Variants in HEATR5B observed in about 807,000 individuals in gnomAD.
The protein encoded by HEATR5B is HEAT repeat-containing protein 5B.
In HEATR5B, 156 loss-of-function variants were observed where a neutral mutation model predicts 224.1. The ratio of observed to expected loss-of-function variants is 0.70; its 90% confidence interval spans 0.61 to 0.80. The LOEUF (loss-of-function observed/expected upper bound fraction) is 0.80, where lower values mean the gene tolerates loss of function less well. HEATR5B is among the 30% of genes least tolerant of loss of function. HEATR5B has a pLI of 0.00. For synonymous variants in HEATR5B, 1,027 were observed against 893.0 expected, an observed-to-expected ratio of 1.15 and a Z score of -2.68; for missense variants, 2,323 against 2,535.5, an observed-to-expected ratio of 0.92 and a Z score of 1.80.
chr2:37,018,161 T>A (rs1277396385), intron 26 of HEATR5B, among the ~76,000 whole-genome samples: 1 of 151,858 alleles, frequency 6.6e-6, no homozygotes, highest in Non-Finnish European at 1.5e-5. Context: ...GGTCACAAAT[T>A]TAAGCCTGCC....
intron 18 of HEATR5B, among the ~76,000 whole-genome samples, chr2:37,049,356 C>A (rs1012599050): frequency 2.0e-5 from 3 of 152,180 alleles, no homozygotes; most frequent in African/African-American, 7.2e-5. Flanking sequence ...CAGAGCACCT[C>A]TTCAGTGAAT....
intron 33 of HEATR5B, among the ~76,000 whole-genome samples, chr2:37,000,046 A>C (rs938116475): frequency 6.6e-6 from 1 of 151,518 alleles, no homozygotes; most frequent in Non-Finnish European, 1.5e-5. Context: ...AACCCCAAAA[A>C]ACAAAAAACC....
Position 37,079,180 on chromosome 2 carries a change from T to C in HEATR5B, c.278A>G (p.Asp93Gly), listed in dbSNP as rs749927977. 1.8e-5 allele frequency: 29 copies of C among 1,611,374 alleles called. No individual in the cohort carries two copies. The African/African-American group carries it at 3.3e-4, about 19-fold the overall frequency. ...ATTTCTGATAATGTCATTGCATTTA[T>C]CAAGTGTCTGAAAAACTGTGAAAGT... ...GDTFTVFQTLDKCNDIIRNKD... is the reference protein window; with the variant it reads ...GDTFTVFQTLGKCNDIIRNKD... The change falls in exon 3 of 36, where the codon GAT becomes GGT. Residue 93 changes from aspartate to glycine, a missense_variant. Coordinates refer to ENST00000233099, the MANE Select transcript of HEATR5B (RefSeq NM_019024.3).
intron 11 of HEATR5B, among the ~76,000 whole-genome samples, chr2:37,060,976 AATATTTTTAG>A (rs1671247988): frequency 2.0e-5 from 3 of 152,330 alleles, no homozygotes; most frequent in African/African-American, 7.2e-5. Flanking sequence ...TTAAACTGTC[AATATTTTTAG>A]AATCCAAACA....
rs1248166565 is a variant in HEATR5B at position 37,059,462 on chromosome 2, ATAT to A, written c.1850-478_1850-476del. ...TGTGTGTGTGTATATATATATATAT[ATAT>A]TTTTTTTTTTTTTTTTTTGAGAGAG... On this transcript the variant is annotated intron_variant, in intron 12 of 35. Coordinates refer to ENST00000233099, the MANE Select transcript of HEATR5B (RefSeq NM_019024.3). Among the ~76,000 whole-genome samples the A allele has an allele frequency of 2.9e-4, 27 of 93,896 alleles. 2 individuals are homozygous for A. Among genetic ancestry groups the A allele is most frequent in the South Asian group, 1.2e-3 (3 of 2,408 alleles). 61.6% of individuals were successfully genotyped at this position (93,896 alleles called of 152,430 possible).
intron 33 of HEATR5B, among the ~76,000 whole-genome samples, chr2:36,992,927 T>C (rs4670645): frequency 0.19 from 28,085 of 151,784 alleles, 3,243 homozygotes; most frequent in East Asian, 0.53. Flanking sequence ...CGTCTTACCA[T>C]ATTGCCCAGG....
At chr2:36,991,133 T>C (rs1228169388) in intron 33 of HEATR5B, among the ~76,000 whole-genome samples, 1 of 152,234 alleles carries the variant, frequency 6.6e-6, no homozygotes, top group Non-Finnish European at 1.5e-5. Flanking sequence ...TGCTAAATTA[T>C]TATAAAATAT....
chr2:37,032,833 A>G, intron 21 of HEATR5B, 60 bp from the exon 22 acceptor site: 1 of 1,420,416 alleles, frequency 7.0e-7, no homozygotes, highest in Non-Finnish European at 9.7e-7. Context: ...CTTTAATCTT[A>G]TTTGCCCAAT....
chr2:37,073,438 T>C (rs1672028987), intron 5 of HEATR5B, among the ~76,000 whole-genome samples: 1 of 152,168 alleles, frequency 6.6e-6, no homozygotes, highest in South Asian at 2.1e-4. Flanking sequence ...GAGATGGGGT[T>C]TCGCTATGTT....
chr2:37,008,238 G>C (rs1203303779), intron 28 of HEATR5B: 1 of 188,822 alleles, frequency 5.3e-6, no homozygotes, highest in Non-Finnish European at 1.1e-5. Flanking sequence ...AGCACTTTAG[G>C]AACATAATTT....
At chr2:37,056,716 G>T in intron 15 of HEATR5B, 101 bp from the exon 16 acceptor site, 1 of 959,428 alleles carries the variant, frequency 1.0e-6, no homozygotes. Context: ...AGGAGAAAAG[G>T]CAACAAAAAA....
chr2:37,074,646 T>C (rs1672117814), intron 5 of HEATR5B, among the ~76,000 whole-genome samples: 1 of 152,148 alleles, frequency 6.6e-6, no homozygotes, highest in Non-Finnish European at 1.5e-5. Context: ...TATTTGTAAA[T>C]CACATATCTG....
intron 4 of HEATR5B, among the ~76,000 whole-genome samples, chr2:37,076,424 C>T (rs747691665): frequency 1.3e-5 from 2 of 152,076 alleles, no homozygotes; most frequent in South Asian, 2.1e-4. Context: ...GATGCATCTA[C>T]AAGCCAGGGA....
Position 37,028,087 on chromosome 2 carries a change from G to A in HEATR5B, c.3689C>T (p.Thr1230Met). 1.9e-6 allele frequency: 3 copies of A among 1,613,630 alleles called. No homozygotes were observed. The highest frequency in any genetic ancestry group is 1.7e-6 in the Non-Finnish European group (2 of 1,179,536). ...CTTTGATTTATCTTCTTCACCTAAC[G>A]TGGTAAACATGGTATCATCATCCAT... ...DEMDDDTMFT[T>M]LGEEDKSKPF... The change falls in exon 24 of 36, where the codon ACG becomes ATG. Residue 1230 changes from threonine (T) to methionine (M), a missense_variant. By Grantham distance (81) the Thr-to-Met change is moderately conservative. Transcript: ENST00000233099.
At position 37,040,501 on chromosome 2, in the gene HEATR5B, T is replaced by C; in HGVS notation, c.2874A>G (p.Ser958=). 2 of 1,606,868 alleles carry C rather than the reference T, an allele frequency of 1.2e-6. No homozygotes were observed. The highest frequency in any genetic ancestry group is 1.7e-6 in the Non-Finnish European group (2 of 1,177,732). Residue 958 remains serine (S), a synonymous_variant, in exon 20 of 36, where the codon TCA becomes TCG. Coordinates refer to ENST00000233099, the MANE Select transcript of HEATR5B (RefSeq NM_019024.3). ...CACTAGAATCCACTATCAAAGCAAG[T>C]GAATGAAGAGACCAAGTCTAGAATA... is the stretch of plus-strand genomic sequence containing the variant. The part of the protein sequence containing the change: ...SPEVQTWSLH[S]LALIVDSSGP...
chr2:36,991,186 C>T (rs1359377505), intron 33 of HEATR5B, among the ~76,000 whole-genome samples: 1 of 152,082 alleles, frequency 6.6e-6, no homozygotes, highest in Non-Finnish European at 1.5e-5. Context: ...TAAGTGATAT[C>T]TCCTTTCAAT....
Position 37,040,531 on chromosome 2 carries a change from A to G in HEATR5B, c.2857-13T>C, listed in dbSNP as rs1385836446. On this transcript the variant is annotated splice_polypyrimidine_tract_variant and intron_variant, in intron 19 of 35. Transcript: ENST00000233099. ...GAAGAGACCAAGTCTAGAATAAAATATAATTTCATTTTAGTTGTAAGGAAG... is the reference window on the plus strand; with the variant it reads ...GAAGAGACCAAGTCTAGAATAAAATGTAATTTCATTTTAGTTGTAAGGAAG... 1.3e-6 allele frequency: 2 copies of G among 1,579,656 alleles called. No individual in the cohort carries two copies. Among genetic ancestry groups the G allele is most frequent in the Non-Finnish European group, 1.7e-6 (2 of 1,158,792 alleles).
chr2:37,050,042 C>T (rs1670440008), intron 17 of HEATR5B, among the ~76,000 whole-genome samples, 199 bp from the exon 18 acceptor site: 1 of 151,788 alleles, frequency 6.6e-6, no homozygotes, highest in African/African-American at 2.4e-5. Context: ...AGGCGCATGC[C>T]ACCCTGCTGG....
rs1372799225 is a variant in HEATR5B, at chr2:37,028,762, C to T, written c.3520G>A (p.Gly1174Arg). Residue 1174 changes from glycine to arginine, a missense_variant, in exon 23 of 36, where the codon GGA (glycine) becomes AGA (arginine). Physicochemically the swap from Gly to Arg is moderately radical, Grantham distance 125. Around this residue, in one of 12 missense-constraint regions of HEATR5B, gnomAD observed 339 missense variants for 378.4 expected, o/e 0.90. Transcript: ENST00000233099. ...KLCSDIHDTLGHMLSSLAVEK... is the reference protein window; with the variant it reads ...KLCSDIHDTLRHMLSSLAVEK... The stretch of plus-strand genomic sequence containing the variant: ...ACTGCCAGCGAAGAAAGCATATGTC[C>T]CAAAGTGTCATGAATATCAGAACAT... 6.2e-7 allele frequency: 1 copy of T among 1,613,944 alleles called. No individual in the cohort carries two copies.
Sources: allele counts gnomAD v4.1 joint callset (sites outside exome capture counted in the v4.1 genomes callset), GRCh38; gene constraint gnomAD v4.1.1; regional missense constraint gnomAD v4.1.1; transcripts MANE v1.5; gene names NCBI Gene and HGNC (gene_info 2026-07-23, HGNC 2026-07-21).